The following NPAS3 variants were observed in gnomAD, a reference collection of about 807,000 sequenced individuals.
NPAS3 encodes the protein neuronal PAS domain protein 3.
A neutral mutation model predicts 73.1 loss-of-function variants in NPAS3; 14 were observed. That is an observed-to-expected ratio of 0.19 (90% CI 0.13 to 0.30). The LOEUF (loss-of-function observed/expected upper bound fraction) is 0.30, where lower values mean the gene tolerates loss of function less well. NPAS3 is among the 10% of genes least tolerant of loss of function. The pLI is 1.00. For synonymous variants in NPAS3, 620 were observed against 541.5 expected (o/e 1.14, Z -2.01); for missense variants, 1,096 against 1,250.0 (o/e 0.88, Z 1.86).
chr14:33,137,412 A>G (rs530619662), intron 2 of NPAS3, among the ~76,000 whole-genome samples: 1 of 152,322 alleles, frequency 6.6e-6, no homozygotes, highest in South Asian at 2.1e-4. Context: ...TTGATTCACC[A>G]TCAACTAAGA....
intron 1 of NPAS3, among the ~76,000 whole-genome samples, chr14:33,037,803 T>A (rs1236969859): frequency 1.3e-5 from 2 of 152,232 alleles, no homozygotes; most frequent in African/African-American, 4.8e-5. Flanking sequence ...TGTAAATAAT[T>A]TAAGAGGACA....
chr14:33,540,849 G>C (rs1222938895), intron 4 of NPAS3, among the ~76,000 whole-genome samples: 1 of 152,140 alleles, frequency 6.6e-6, no homozygotes, highest in Non-Finnish European at 1.5e-5. Flanking sequence ...ACAGGTAGCG[G>C]ACACCACTTT....
chr14:33,170,435 T>C (rs1425442076), intron 2 of NPAS3, among the ~76,000 whole-genome samples: 1 of 152,194 alleles, frequency 6.6e-6, no homozygotes, highest in Non-Finnish European at 1.5e-5. Context: ...TGCTGAAGTT[T>C]GGGGTAGCTG....
chr14:33,642,948 C>G (rs1164520720), intron 5 of NPAS3, among the ~76,000 whole-genome samples: 1 of 152,066 alleles, frequency 6.6e-6, no homozygotes, highest in East Asian at 1.9e-4. Context: ...ACAAGAGGCT[C>G]TTAAACCAAA....
At chr14:33,312,517 A>T (rs1253292730) in intron 3 of NPAS3, among the ~76,000 whole-genome samples, 1 of 152,122 alleles carries the variant, frequency 6.6e-6, no homozygotes, top group African/African-American at 2.4e-5. Context: ...TACCATTTGA[A>T]TTAAAAAGTT....
chr14:33,795,576 G>A (rs912823020), intron 10 of NPAS3, among the ~76,000 whole-genome samples: 2 of 152,176 alleles, frequency 1.3e-5, no homozygotes, highest in South Asian at 4.1e-4. Flanking sequence ...TTAAACGCTG[G>A]AAACAGGCAC....
At chr14:33,611,482 G>A (rs1445378581) in intron 5 of NPAS3, among the ~76,000 whole-genome samples, 1 of 152,148 alleles carries the variant, frequency 6.6e-6, no homozygotes, top group Non-Finnish European at 1.5e-5. Context: ...TTGAGGGGCA[G>A]TTAGGGGCAG....
intron 1 of NPAS3, among the ~76,000 whole-genome samples, chr14:32,940,522 C>T (rs1269236248): frequency 6.6e-6 from 1 of 152,148 alleles, no homozygotes. Flanking sequence ...AGAGGAAAGG[C>T]GCAGTAGGAA....
In NPAS3 at chr14:33,710,493, A is replaced by G. The variant is rs140763574; in HGVS notation, c.734-24721A>G. On this transcript the variant is annotated intron_variant, in intron 6 of 11. Coordinates refer to ENST00000356141, the Ensembl canonical transcript of NPAS3. ...GTTGAAATCACCAAAATAATGATCAAATCTCACTCTATTAAGCCGAGGCCG... is the reference window on the plus strand; with the variant it reads ...GTTGAAATCACCAAAATAATGATCAGATCTCACTCTATTAAGCCGAGGCCG... 1.4e-4 allele frequency among the ~76,000 whole-genome samples: 22 copies of G among 152,326 alleles called. No homozygotes were observed. In the East Asian group the frequency reaches 4.2e-3, roughly 29 times the overall value.
At chr14:33,040,775 TG>T (rs1402217277) in intron 1 of NPAS3, among the ~76,000 whole-genome samples, 2 of 152,204 alleles carry the variant, frequency 1.3e-5, no homozygotes, top group Non-Finnish European at 2.9e-5. Flanking sequence ...ATGCAAAATG[TG>T]GTTAGTGAAT....
At chr14:33,293,143 A>AC (rs1200585419) in intron 3 of NPAS3, among the ~76,000 whole-genome samples, 1 of 152,142 alleles carries the variant, frequency 6.6e-6, no homozygotes, top group Non-Finnish European at 1.5e-5. Flanking sequence ...CTCTTGACGA[A>AC]CCCTAATTTC....
intron 4 of NPAS3, among the ~76,000 whole-genome samples, chr14:33,409,588 T>C (rs1318396199): frequency 2.0e-5 from 3 of 152,168 alleles, no homozygotes; most frequent in African/African-American, 7.2e-5. Flanking sequence ...TGCCCTCTTT[T>C]AAAATGTGGA....
At chr14:33,340,311 A>G (rs2140307987) in intron 3 of NPAS3, among the ~76,000 whole-genome samples, 1 of 152,294 alleles carries the variant, frequency 6.6e-6, no homozygotes. Context: ...CCTGACCAAC[A>G]TGGCGAAACC....
chr14:33,040,927 A>C (rs8014371), intron 1 of NPAS3, among the ~76,000 whole-genome samples: 73,521 of 152,042 alleles, frequency 0.48, 20,764 homozygotes, highest in African/African-American at 0.8. Flanking sequence ...TGTCAGACAG[A>C]TGGCTTGTTA....
At chr14:33,746,891 C>T (rs1453859077) in intron 7 of NPAS3, among the ~76,000 whole-genome samples, 1 of 146,866 alleles carries the variant, frequency 6.8e-6, no homozygotes, top group Non-Finnish European at 1.5e-5. Context: ...CTATCCCTCC[C>T]CCGTCCCCCC....
At chr14:33,119,679 G>C (rs2043172320) in intron 2 of NPAS3, among the ~76,000 whole-genome samples, 1 of 152,052 alleles carries the variant, frequency 6.6e-6, no homozygotes, top group African/African-American at 2.4e-5. Context: ...AATGATGAAA[G>C]GAAAACTTGA....
At chr14:32,988,815 A>G (rs8007556) in intron 1 of NPAS3, among the ~76,000 whole-genome samples, 28,580 of 152,216 alleles carry the variant, frequency 0.19, 3,440 homozygotes, top group African/African-American at 0.34. Context: ...AAGACCTTCC[A>G]ATTTATACTT....
chr14:33,225,862 C>T (rs2047612014), intron 3 of NPAS3, among the ~76,000 whole-genome samples: 1 of 152,054 alleles, frequency 6.6e-6, no homozygotes, highest in African/African-American at 2.4e-5. Context: ...AGAAAGCATA[C>T]TTTGAGTTGT....
chr14:33,395,492 C>A (rs1026481981), intron 4 of NPAS3, among the ~76,000 whole-genome samples: 1 of 151,422 alleles, frequency 6.6e-6, no homozygotes, highest in Admixed American at 6.6e-5. Context: ...AGTTAATATA[C>A]TAAATATAAA....
Sources: allele counts gnomAD v4.1 joint callset (sites outside exome capture counted in the v4.1 genomes callset), GRCh38; gene constraint gnomAD v4.1.1; transcripts MANE v1.5; gene names NCBI Gene and HGNC (gene_info 2026-07-23, HGNC 2026-07-21).